Variants in THOC3 observed in about 807,000 individuals in gnomAD.
The protein encoded by THOC3 is THO complex subunit 3.
In THOC3, 4 loss-of-function variants were observed where a neutral mutation model predicts 23.3. The observed-to-expected ratio is 0.17, with a 90% CI of 0.08 to 0.39. The LOEUF is 0.39. Among genes scored for constraint, THOC3 ranks in the 10% least tolerant of loss-of-function variants. The pLI is 1.00. For missense variants in THOC3, 64 were observed against 359.4 expected (o/e 0.18, Z 6.65); for synonymous variants, 27 against 141.5 (o/e 0.19, Z 5.74).
At chr5:175,965,193 G>A (rs1756742531) in intron 2 of THOC3, 38 bp from the exon 3 acceptor site, 3 of 1,612,300 alleles carry the variant, frequency 1.9e-6, no homozygotes, top group Non-Finnish European at 1.7e-6. Context: ...TAATCTGTTT[G>A]CTCATAATCT....
chr5:175,963,064 G>A (rs1354588594), intron 3 of THOC3, among the ~76,000 whole-genome samples: 2 of 152,184 alleles, frequency 1.3e-5, no homozygotes, highest in African/African-American at 2.4e-5. Flanking sequence ...ACATCAGCCC[G>A]TAATGATTCT....
chr5:175,961,464 GA>G, intron 3 of THOC3, 30 bp from the exon 4 acceptor site: 1 of 572,810 alleles, frequency 1.7e-6, no homozygotes, highest in Non-Finnish European at 2.6e-6. Flanking sequence ...TCAAACTGCA[GA>G]AGAGGACTGT....
At chr5:175,965,586 G>C (rs1413517203) in intron 2 of THOC3, among the ~76,000 whole-genome samples, 1 of 152,202 alleles carries the variant, frequency 6.6e-6, no homozygotes, top group African/African-American at 2.4e-5. Flanking sequence ...CACCACACCA[G>C]GCTAATTTTT....
intron 3 of THOC3, among the ~76,000 whole-genome samples, chr5:175,963,938 C>T (rs1462816587): frequency 6.6e-6 from 1 of 152,310 alleles, no homozygotes; most frequent in African/African-American, 2.4e-5. Flanking sequence ...TCCTTCAACC[C>T]CCCATATAGT....
intron 3 of THOC3, among the ~76,000 whole-genome samples, chr5:175,962,560 C>T (rs1478411517): frequency 6.8e-6 from 1 of 147,734 alleles, no homozygotes; most frequent in Non-Finnish European, 1.5e-5. Context: ...CTCACTCAGT[C>T]GTCCAGAATG....
At chr5:175,962,650 A>G (rs893450004) in intron 3 of THOC3, among the ~76,000 whole-genome samples, 3 of 142,228 alleles carry the variant, frequency 2.1e-5, no homozygotes, top group African/African-American at 5.4e-5. Context: ...TCAGTCTGCC[A>G]AGCAGCTGGG....
intron 3 of THOC3, among the ~76,000 whole-genome samples, chr5:175,964,582 C>T (rs1479819124): frequency 1.3e-5 from 2 of 149,232 alleles, no homozygotes; most frequent in Non-Finnish European, 1.5e-5. Flanking sequence ...CACCATTGCA[C>T]TGCAGCCTGG....
rs1554090256 is a variant in THOC3 at position 175,967,558 on chromosome 5, T to TACCACCACCAACGTACC, written c.268-292_268-291insGGTACGTTGGTGGTGGT. On this transcript the variant is annotated intron_variant, in intron 1 of 5. Transcript: ENST00000265097. ...TACCACCAACGTACCACCACCAACG[T>TACCACCACCAACGTACC]ACCACCACCACCACCACCACCACCA... 283 of 265,066 alleles carry TACCACCACCAACGTACC rather than the reference T, an allele frequency of 1.1e-3. 8 individuals are homozygous for TACCACCACCAACGTACC. The highest frequency in any genetic ancestry group is 9.2e-3 in the African/African-American group (255 of 27,740). The allele number at this position is 265,066 out of a possible 1,614,324, so 16.4% of individuals were successfully genotyped here.
chr5:175,961,825 T>C (rs1449063358), intron 3 of THOC3, among the ~76,000 whole-genome samples: 1 of 152,092 alleles, frequency 6.6e-6, no homozygotes, highest in Non-Finnish European at 1.5e-5. Flanking sequence ...AATATAATGA[T>C]ACAAACAATA....
Sources: gnomAD v4.1 joint callset for allele counts (sites outside exome capture counted in the v4.1 genomes callset) on GRCh38, gnomAD v4.1.1 for gene constraint, MANE v1.5 for transcripts, NCBI Gene and HGNC (gene_info 2026-07-23, HGNC 2026-07-21) for gene names.